The following SPATA6 variants were observed in gnomAD, a reference collection of about 807,000 sequenced individuals.
SPATA6 encodes spermatogenesis-associated protein 6.
In SPATA6, 56 loss-of-function variants were observed where a neutral mutation model predicts 65.3. The observed-to-expected ratio is 0.86, with a 90% CI of 0.69 to 1.07. SPATA6 has a LOEUF of 1.07. Among genes scored for constraint, SPATA6 ranks in the 50% least tolerant of loss-of-function variants. The pLI, the probability that SPATA6 is intolerant of heterozygous loss-of-function variation, is 0.00. For missense variants in SPATA6, 590 were observed against 594.8 expected (o/e 0.99, Z 0.08); for synonymous variants, 199 against 213.2 (o/e 0.93, Z 0.58).
At chr1:48,413,262 A>C in intron 3 of SPATA6, 111 bp from the exon 4 acceptor site, 1 of 332,548 alleles carries the variant, frequency 3.0e-6, no homozygotes, top group South Asian at 4.8e-5. Flanking sequence ...TAGACTACAT[A>C]TATGTTTATA....
chr1:48,380,716 A>T lies in SPATA6; in HGVS notation c.909+4593T>A, dbSNP rs142226678. Among the ~76,000 whole-genome samples, 13 of 152,320 alleles carry T rather than the reference A, an allele frequency of 8.5e-5. 1 individual carries two copies. In the East Asian group the frequency reaches 2.3e-3, roughly 27 times the overall value. The stretch of plus-strand genomic sequence containing the variant: ...AGCAAGATCAATAGGTCCTTGCCAT[A>T]CTGTGTACATTTGTGTGTAGAACAA... On this transcript the variant is annotated intron_variant, in intron 9 of 12. Coordinates refer to ENST00000371847, the MANE Select transcript of SPATA6 (RefSeq NM_019073.4).
the SPATA6 span, among the ~76,000 whole-genome samples, chr1:48,280,887 GA>G: frequency 6.6e-6 from 1 of 152,096 alleles, no homozygotes; most frequent in Non-Finnish European, 1.5e-5. Flanking sequence ...CCAAAAAAGA[GA>G]ATTTTAGACC....
At chr1:48,361,233 A>C (rs1646804147) in intron 9 of SPATA6, among the ~76,000 whole-genome samples, 1 of 152,164 alleles carries the variant, frequency 6.6e-6, no homozygotes, top group African/African-American at 2.4e-5. Flanking sequence ...TAGAGGCTTG[A>C]AAGATGAAAA....
chr1:48,314,731 CA>C (rs199855944), intron 11 of SPATA6, among the ~76,000 whole-genome samples: 3,739 of 151,992 alleles, frequency 0.025, 99 homozygotes, highest in African/African-American at 0.067. Context: ...AAAGACCCTT[CA>C]AAAAATCAAT....
At chr1:48,279,298 A>C in the SPATA6 span, among the ~76,000 whole-genome samples, 1 of 152,234 alleles carries the variant, frequency 6.6e-6, no homozygotes, top group African/African-American at 2.4e-5. Context: ...ACCAGATAAC[A>C]TCAAAATGAC....
At chr1:48,446,341 C>T (rs541826194) in intron 3 of SPATA6, among the ~76,000 whole-genome samples, 2 of 152,188 alleles carry the variant, frequency 1.3e-5, no homozygotes, top group African/African-American at 2.4e-5. Flanking sequence ...AGGCTATTTA[C>T]GGGGAGGTAT....
intron 3 of SPATA6, 25 bp downstream of exon 3, chr1:48,451,526 AG>A: frequency 6.3e-7 from 1 of 1,593,210 alleles, no homozygotes; most frequent in African/African-American, 1.4e-5. Context: ...TCTTAGAATC[AG>A]GAATTAAAAA....
the SPATA6 span, among the ~76,000 whole-genome samples, chr1:48,285,195 A>G: frequency 2.0e-5 from 3 of 152,122 alleles, no homozygotes; most frequent in Non-Finnish European, 4.4e-5. Context: ...GGCTCCTCCC[A>G]GTTCAAACTT....
At chr1:48,416,831 G>A (rs147503391) in intron 3 of SPATA6, among the ~76,000 whole-genome samples, 8 of 152,172 alleles carry the variant, frequency 5.3e-5, no homozygotes, top group Middle Eastern at 3.4e-3. Flanking sequence ...AAAAAATAAT[G>A]CAGCATAATT....
At chr1:48,334,881 A>C (rs1332968191) in intron 11 of SPATA6, among the ~76,000 whole-genome samples, 2 of 152,192 alleles carry the variant, frequency 1.3e-5, no homozygotes, top group Non-Finnish European at 2.9e-5. Context: ...GTATTTTAAA[A>C]ACCCCATGGT....
intron 11 of SPATA6, among the ~76,000 whole-genome samples, chr1:48,314,800 C>A (rs949472150): frequency 6.6e-6 from 1 of 151,898 alleles, no homozygotes; most frequent in Non-Finnish European, 1.5e-5. Flanking sequence ...GCTAGCAACA[C>A]TAATAAAGAA....
chr1:48,367,322 C>T (rs1377134719), intron 9 of SPATA6, among the ~76,000 whole-genome samples: 1 of 152,124 alleles, frequency 6.6e-6, no homozygotes, highest in African/African-American at 2.4e-5. Flanking sequence ...CTGCTTGGTG[C>T]AGAGCTGAGT....
chr1:48,307,988 G>A (rs1470018345), intron 11 of SPATA6, among the ~76,000 whole-genome samples: 1 of 151,850 alleles, frequency 6.6e-6, no homozygotes, highest in African/African-American at 2.4e-5. Context: ...AATCTAAAGT[G>A]CATCTCTTGT....
At chr1:48,261,400 A>T in the SPATA6 span, among the ~76,000 whole-genome samples, 2 of 152,288 alleles carry the variant, frequency 1.3e-5, no homozygotes, top group South Asian at 4.1e-4. Context: ...TAGAGTTCAC[A>T]TAGTGGAGGT....
At chr1:48,322,977 T>C (rs1388074469) in intron 11 of SPATA6, among the ~76,000 whole-genome samples, 2 of 151,984 alleles carry the variant, frequency 1.3e-5, no homozygotes, top group African/African-American at 4.8e-5. Flanking sequence ...TTGGTAGGAG[T>C]GTAAGTTACT....
At chr1:48,450,723 G>C in intron 3 of SPATA6, among the ~76,000 whole-genome samples, 1 of 152,186 alleles carries the variant, frequency 6.6e-6, no homozygotes, top group Non-Finnish European at 1.5e-5. Context: ...CCATGAGACA[G>C]ACAATGGGCC....
intron 1 of SPATA6, among the ~76,000 whole-genome samples, chr1:48,471,014 C>T (rs774015990): frequency 1.3e-5 from 2 of 152,150 alleles, no homozygotes; most frequent in East Asian, 1.9e-4. Flanking sequence ...TCCTCCAGAA[C>T]AGACAAGCGG....
chr1:48,348,282 T>A (rs1646425739), intron 11 of SPATA6, among the ~76,000 whole-genome samples: 1 of 152,036 alleles, frequency 6.6e-6, no homozygotes, highest in South Asian at 2.1e-4. Flanking sequence ...ACAACATTCA[T>A]AATCATTTAT....
At chr1:48,321,097 AAAG>A (rs1156415083) in intron 11 of SPATA6, among the ~76,000 whole-genome samples, 1 of 152,202 alleles carries the variant, frequency 6.6e-6, no homozygotes, top group African/African-American at 2.4e-5. Context: ...GACAGGAAGA[AAAG>A]AAGGAAGATA....
Sources: allele counts gnomAD v4.1 joint callset (sites outside exome capture counted in the v4.1 genomes callset), GRCh38; gene constraint gnomAD v4.1.1; transcripts MANE v1.5; gene names NCBI Gene and HGNC (gene_info 2026-07-23, HGNC 2026-07-21).